NSF: variants seen among roughly 807,000 people sequenced by gnomAD.
NSF encodes N-ethylmaleimide sensitive factor, vesicle fusing ATPase.
NSF carries 14 observed loss-of-function variants against 50.3 expected under a neutral mutation model. The ratio of observed to expected loss-of-function variants is 0.28; its 90% CI spans 0.18 to 0.44. The LOEUF is 0.44. NSF is among the 20% of genes least tolerant of loss of function. NSF has a pLI of 1.00. For synonymous variants in NSF, 109 were observed against 175.7 expected, an observed-to-expected ratio of 0.62 and a Z score of 3.00; for missense variants, 218 against 504.3, an observed-to-expected ratio of 0.43 and a Z score of 5.44.
chr17:46,718,384 T>C (rs2058795602), intron 15 of NSF, among the ~76,000 whole-genome samples: 1 of 152,072 alleles, frequency 6.6e-6, no homozygotes, highest in African/African-American at 2.4e-5. Context: ...AGAGTGGAAA[T>C]TGAATATTCC....
chr17:46,755,631 TG>T (rs1447854004), intron 20 of NSF, 170 bp from the exon 21 acceptor site: 1 of 730,638 alleles, frequency 1.4e-6, no homozygotes, highest in Non-Finnish European at 2.2e-6. Flanking sequence ...TTTACATGCA[TG>T]GAGCTGTGAC....
intron 12 of NSF, among the ~76,000 whole-genome samples, chr17:46,695,286 G>T (rs868091775): frequency 0.13 from 17,411 of 137,812 alleles, no homozygotes; most frequent in Non-Finnish European, 0.19. Context: ...GAGGAAGTGG[G>T]AGTTTCCACG....
Position 46,751,584 on chromosome 17 carries a change from A to C in NSF, c.2125A>C (p.Lys709Gln). ...GAAGAAGGTCTGGATAGGAATCAAGAAGTTACTAATGCTGATCGAGATGTC... is the reference window on the plus strand; with the variant it reads ...GAAGAAGGTCTGGATAGGAATCAAGCAGTTACTAATGCTGATCGAGATGTC... ...KGKKVWIGIKKLLMLIEMSLQ... is the reference protein window; with the variant it reads ...KGKKVWIGIKQLLMLIEMSLQ... The change falls in exon 19 of 21, where the codon AAG (lysine) becomes CAG (glutamine). Residue 709 changes from lysine (K) to glutamine (Q), a missense_variant. Lys to Gln is a moderately conservative substitution (Grantham distance 53, BLOSUM62 1). This residue lies in a region of NSF where 209 missense variants were observed against 320.9 expected (regional missense o/e 0.65). Coordinates refer to ENST00000398238, the MANE Select transcript of NSF (RefSeq NM_006178.4). The C allele has an allele frequency of 1.2e-6, 2 of 1,613,888 alleles. No homozygotes were observed. The highest frequency in any genetic ancestry group is 8.5e-7 in the Non-Finnish European group (1 of 1,179,810).
chr17:46,693,425 A>C (rs111333200), intron 10 of NSF, among the ~76,000 whole-genome samples: 13,472 of 140,752 alleles, frequency 0.096, no homozygotes, highest in Non-Finnish European at 0.15. Flanking sequence ...AGTGAGGGCC[A>C]GGGAGTGCGT....
intron 15 of NSF, chr17:46,721,463 A>G (rs2058830063): frequency 3.0e-6 from 2 of 672,610 alleles, no homozygotes; most frequent in Non-Finnish European, 5.2e-6. Flanking sequence ...TTAAGACCCT[A>G]TATATGTATG....
chr17:46,755,731 T>G, intron 20 of NSF, 71 bp from the exon 21 acceptor site: 1 of 1,418,900 alleles, frequency 7.0e-7, no homozygotes, highest in East Asian at 2.4e-5. Flanking sequence ...GATTTTTTTT[T>G]TTTTTTTTTT....
chr17:46,709,362 G>C (rs959568566), intron 13 of NSF, among the ~76,000 whole-genome samples: 1 of 152,024 alleles, frequency 6.6e-6, no homozygotes, highest in African/African-American at 2.4e-5. Context: ...GAAATTATGG[G>C]ATATGTAAGG....
intron 17 of NSF, among the ~76,000 whole-genome samples, chr17:46,748,340 A>G (rs1053056058): frequency 4.6e-5 from 7 of 152,072 alleles, no homozygotes; most frequent in Non-Finnish European, 5.9e-5. Flanking sequence ...CAAACTCCTG[A>G]ACCTCAGGTG....
intron 9 of NSF, among the ~76,000 whole-genome samples, chr17:46,678,607 A>C (rs2058424114): frequency 8.4e-6 from 1 of 119,744 alleles, no homozygotes; most frequent in Non-Finnish European, 1.7e-5. Flanking sequence ...AATGGTTTAG[A>C]ACTTTCTAAA....
chr17:46,631,061 TACACACACACACACAC>T (rs61399986), intron 4 of NSF, among the ~76,000 whole-genome samples: 6 of 122,852 alleles, frequency 4.9e-5, no homozygotes, highest in African/African-American at 2.3e-4. Context: ...TCTCTCTCTG[TACACACACACACACAC>T]ACACACACAC....
Position 46,610,039 on chromosome 17 carries a change from CTCTCTT to C in NSF, c.13-14201_13-14196del, listed in dbSNP as rs1259472080. Among the ~76,000 whole-genome samples, 5 of 93,886 alleles carry C rather than the reference CTCTCTT, an allele frequency of 5.3e-5. No individual in the cohort carries two copies. The East Asian group carries it at 9.0e-4, about 17-fold the overall frequency. The allele number at this position is 93,886 out of a possible 152,430, so 61.6% of individuals were successfully genotyped here. ...TTTCTTTCTTTCTTTCTCTCTCTCT[CTCTCTT>C]TCTTTCTTTCTTTCTTTCTTTCCTT... On this transcript the variant is annotated intron_variant, in intron 1 of 20. Coordinates refer to ENST00000398238, the MANE Select transcript of NSF (RefSeq NM_006178.4).
intron 1 of NSF, among the ~76,000 whole-genome samples, chr17:46,599,371 AT>A (rs1215952652): frequency 1.9e-4 from 11 of 57,560 alleles, no homozygotes; most frequent in African/African-American, 3.6e-4. Context: ...TTTCCAACTT[AT>A]TTTTTTTTAT....
chr17:46,685,317 G>T (rs551080849), intron 9 of NSF, among the ~76,000 whole-genome samples: 2 of 148,928 alleles, frequency 1.3e-5, no homozygotes, highest in African/African-American at 2.5e-5. Context: ...TTTCCAGTTC[G>T]ATATTAATTA....
chr17:46,728,063 A>G (rs1376176175), intron 16 of NSF, among the ~76,000 whole-genome samples: 1 of 151,504 alleles, frequency 6.6e-6, no homozygotes, highest in Non-Finnish European at 1.5e-5. Flanking sequence ...AAATGGAGGG[A>G]TCAGTTTTGA....
intron 15 of NSF, among the ~76,000 whole-genome samples, chr17:46,718,815 A>G (rs1021653882): frequency 2.6e-5 from 4 of 152,246 alleles, no homozygotes; most frequent in African/African-American, 9.6e-5. Context: ...CTGGGATATA[A>G]TATGAAATCA....
At position 46,610,041 on chromosome 17, in the gene NSF, C is replaced by CTCTCTCTCTT. The variant is rs545055767; in HGVS notation, c.13-14200_13-14199insCTCTCTTTCT. Among the ~76,000 whole-genome samples the CTCTCTCTCTT allele has an allele frequency of 5.0e-3, 597 of 118,652 alleles. 22 individuals are homozygous for CTCTCTCTCTT. Among genetic ancestry groups the CTCTCTCTCTT allele is most frequent in the African/African-American group, 0.013 (408 of 32,362 alleles). 77.8% of individuals were successfully genotyped at this position (118,652 alleles called of 152,430 possible). Reference sequence around the variant, plus strand: ...TCTTTCTTTCTTTCTCTCTCTCTCTCTCTTTCTTTCTTTCTTTCTTTCTTT... The same window carrying CTCTCTCTCTT: ...TCTTTCTTTCTTTCTCTCTCTCTCTCTCTCTCTCTTTCTTTCTTTCTTTCTTTCTTTCTTT... On this transcript the variant is annotated intron_variant, in intron 1 of 20. Coordinates refer to ENST00000398238, the MANE Select transcript of NSF (RefSeq NM_006178.4).
At chr17:46,736,760 A>T (rs2059009859) in intron 17 of NSF, among the ~76,000 whole-genome samples, 1 of 152,218 alleles carries the variant, frequency 6.6e-6, no homozygotes, top group Non-Finnish European at 1.5e-5. Flanking sequence ...TTGTCTATGT[A>T]TAATATATTT....
At chr17:46,597,788 CTTTTTTTTTTTTTT>C (rs1162187499) in intron 1 of NSF, among the ~76,000 whole-genome samples, 7 of 44,170 alleles carry the variant, frequency 1.6e-4, no homozygotes, top group Non-Finnish European at 2.5e-4. Flanking sequence ...TTGCAATACT[CTTTTTTTTTTTTTT>C]TTTTTTTTTT....
At chr17:46,708,867 C>T (rs2058689245) in intron 13 of NSF, among the ~76,000 whole-genome samples, 1 of 133,238 alleles carries the variant, frequency 7.5e-6, no homozygotes, top group Non-Finnish European at 1.5e-5. Context: ...GCTCTGTTGC[C>T]AGGCTGGAGT....
Sources: gnomAD v4.1 joint callset for allele counts (sites outside exome capture counted in the v4.1 genomes callset) on GRCh38, gnomAD v4.1.1 for gene constraint, gnomAD v4.1.1 regional missense constraint, MANE v1.5 for transcripts, NCBI Gene and HGNC (gene_info 2026-07-23, HGNC 2026-07-21) for gene names.